The following MAGI1 variants were observed in gnomAD, a reference collection of about 807,000 sequenced individuals.
MAGI1 encodes the protein membrane associated guanylate kinase, WW and PDZ domain containing 1.
In MAGI1, 58 loss-of-function variants were observed where a neutral mutation model predicts 139.9. That is an observed-to-expected ratio of 0.41 (90% CI 0.34 to 0.52). MAGI1 has a LOEUF of 0.52. Among genes scored for constraint, MAGI1 ranks in the 20% least tolerant of loss-of-function variants. The pLI is 0.12. For missense variants in MAGI1, 1,874 were observed against 1,901.6 expected, an observed-to-expected ratio of 0.99 and a Z score of 0.27; for synonymous variants, 812 against 737.9, an observed-to-expected ratio of 1.10 and a Z score of -1.63.
At chr3:65,959,605 TTATTATTATTA>T (rs1560056354) in intron 1 of MAGI1, among the ~76,000 whole-genome samples, 113 of 85,278 alleles carry the variant, frequency 1.3e-3, no homozygotes, top group African/African-American at 5.0e-3. Flanking sequence ...AGCATTTTTA[TTATTATTATTA>T]TTATTATTAT....
chr3:65,385,089 G>A (rs1943344199), intron 14 of MAGI1, among the ~76,000 whole-genome samples: 1 of 152,110 alleles, frequency 6.6e-6, no homozygotes, highest in Admixed American at 6.5e-5. Flanking sequence ...AGCATTAAAA[G>A]TATTAATTCA....
chr3:65,538,873 T>G (rs1368477041), intron 2 of MAGI1, among the ~76,000 whole-genome samples: 3 of 152,070 alleles, frequency 2.0e-5, no homozygotes, highest in African/African-American at 7.2e-5. Flanking sequence ...ACATACCAAC[T>G]GCCTACTGTC....
chr3:65,849,468 C>CATAT (rs10529813), intron 1 of MAGI1, among the ~76,000 whole-genome samples: 14,887 of 144,624 alleles, frequency 0.1, 1,198 homozygotes, highest in East Asian at 0.32. Flanking sequence ...AGTAAACTTT[C>CATAT]ATATATATAT....
chr3:65,698,090 C>CA (rs1326055800), intron 1 of MAGI1, among the ~76,000 whole-genome samples: 2 of 106,380 alleles, frequency 1.9e-5, no homozygotes, highest in East Asian at 5.8e-4. Flanking sequence ...AACAGACAAA[C>CA]AGAGAGCCAA....
chr3:65,360,530 A>C, intron 22 of MAGI1: 1 of 985,046 alleles, frequency 1.0e-6, no homozygotes, highest in Non-Finnish European at 1.2e-6. Context: ...TCCTCATAGG[A>C]AAGGTATAGT....
At chr3:65,841,726 A>G (rs2058814362) in intron 1 of MAGI1, among the ~76,000 whole-genome samples, 1 of 152,012 alleles carries the variant, frequency 6.6e-6, no homozygotes, top group African/African-American at 2.4e-5. Context: ...GTGCTCGGCC[A>G]ATTTTCCTCT....
At chr3:65,905,915 C>T (rs188864344) in intron 1 of MAGI1, among the ~76,000 whole-genome samples, 38 of 152,130 alleles carry the variant, frequency 2.5e-4, no homozygotes, top group Admixed American at 2.0e-3. Flanking sequence ...TGGTGCTTTC[C>T]GGATATAAGA....
rs148499747 is a variant in MAGI1, at chr3:65,707,208, A to G, written c.314-85120T>C. Among the ~76,000 whole-genome samples the G allele has an allele frequency of 1.5e-3, 225 of 152,316 alleles. 1 individual carries two copies. The highest frequency in any genetic ancestry group is 5.2e-3 in the African/African-American group (217 of 41,576). On this transcript the variant is annotated intron_variant, in intron 1 of 22. Transcript: ENST00000402939. Reference sequence around the variant, plus strand: ...TTGGCAGGGCTCTAATGTGTAATCTAAAAAGTGAACCTGCCATTTCACACT... The same window carrying G: ...TTGGCAGGGCTCTAATGTGTAATCTGAAAAGTGAACCTGCCATTTCACACT...
chr3:65,376,525 G>A (rs147393953), intron 17 of MAGI1, among the ~76,000 whole-genome samples: 1 of 152,310 alleles, frequency 6.6e-6, no homozygotes, highest in Non-Finnish European at 1.5e-5. Flanking sequence ...CTTCTCCCCA[G>A]AATGATGAAA....
intron 2 of MAGI1, among the ~76,000 whole-genome samples, chr3:65,520,867 C>A (rs1189483776): frequency 2.0e-5 from 3 of 152,172 alleles, no homozygotes; most frequent in Non-Finnish European, 2.9e-5. Flanking sequence ...GGAGCTAACT[C>A]AATATCACCA....
At chr3:65,678,728 C>A (rs552521536) in intron 1 of MAGI1, among the ~76,000 whole-genome samples, 1 of 152,306 alleles carries the variant, frequency 6.6e-6, no homozygotes, top group Non-Finnish European at 1.5e-5. Flanking sequence ...CTGCTCTTTT[C>A]AAATTTTGTC....
At chr3:65,771,020 G>C (rs114753631) in intron 1 of MAGI1, among the ~76,000 whole-genome samples, 4,403 of 151,998 alleles carry the variant, frequency 0.029, 79 homozygotes, top group Middle Eastern at 0.044. Flanking sequence ...AAGATTACTG[G>C]GCAGGGTGTG....
At chr3:65,795,840 C>T in intron 1 of MAGI1, among the ~76,000 whole-genome samples, 1 of 151,774 alleles carries the variant, frequency 6.6e-6, no homozygotes, top group African/African-American at 2.4e-5. Context: ...CACCTGAGGT[C>T]AGGAGTTCAA....
chr3:65,836,557 A>G (rs576806517), intron 1 of MAGI1, among the ~76,000 whole-genome samples: 1 of 152,294 alleles, frequency 6.6e-6, no homozygotes, highest in East Asian at 1.9e-4. Context: ...GCGGTGGCTC[A>G]CGCCTGTAAT....
chr3:65,869,299 G>T (rs528490262), intron 1 of MAGI1, among the ~76,000 whole-genome samples: 23 of 151,084 alleles, frequency 1.5e-4, no homozygotes, highest in African/African-American at 4.9e-4. Context: ...TGTTTATAAT[G>T]TGTCATCTAT....
chr3:65,918,423 C>G (rs2108718830), intron 1 of MAGI1, among the ~76,000 whole-genome samples: 1 of 146,276 alleles, frequency 6.8e-6, no homozygotes, highest in East Asian at 2.0e-4. Context: ...GCTCTGTCAC[C>G]AGGCTGGAGT....
chr3:65,923,092 G>A (rs2062301050), intron 1 of MAGI1, among the ~76,000 whole-genome samples: 1 of 152,116 alleles, frequency 6.6e-6, no homozygotes, highest in Non-Finnish European at 1.5e-5. Context: ...TTGACTCCAA[G>A]ATCCCAGGAT....
At chr3:65,917,960 A>G (rs916650606) in intron 1 of MAGI1, among the ~76,000 whole-genome samples, 1 of 152,206 alleles carries the variant, frequency 6.6e-6, no homozygotes, top group South Asian at 2.1e-4. Flanking sequence ...AGGTTCATCA[A>G]TTGTAACAAA....
chr3:65,427,149 T>C (rs1340477911), intron 12 of MAGI1, among the ~76,000 whole-genome samples: 1 of 151,982 alleles, frequency 6.6e-6, no homozygotes, highest in African/African-American at 2.4e-5. Flanking sequence ...TCATTTCTAC[T>C]GAAAATACAA....
Sources: allele counts gnomAD v4.1 joint callset (sites outside exome capture counted in the v4.1 genomes callset), GRCh38; gene constraint gnomAD v4.1.1; transcripts MANE v1.5; gene names NCBI Gene and HGNC (gene_info 2026-07-23, HGNC 2026-07-21).